The following EFCAB6 variants were observed in gnomAD, a reference collection of about 807,000 sequenced individuals.
The protein encoded by EFCAB6 is EF-hand calcium binding domain 6, also known as EF-hand calcium-binding domain-containing protein 6.
In EFCAB6, 156 loss-of-function variants were observed where a neutral mutation model predicts 169.8. That is an observed-to-expected ratio of 0.92 (90% CI 0.81 to 1.05). The LOEUF (loss-of-function observed/expected upper bound fraction) is 1.05, where lower values mean the gene tolerates loss of function less well. EFCAB6 is among the 50% of genes least tolerant of loss of function. The probability of loss-of-function intolerance (pLI) is 0.00; values close to 1 mark genes in which losing one functional copy is unlikely to be tolerated. For synonymous variants in EFCAB6, 698 were observed against 676.4 expected, an observed-to-expected ratio of 1.03 and a Z score of -0.50; for missense variants, 1,800 against 1,829.1, an observed-to-expected ratio of 0.98 and a Z score of 0.29.
chr22:43,581,917 T>C (rs1468535628), intron 24 of EFCAB6, among the ~76,000 whole-genome samples: 1 of 152,222 alleles, frequency 6.6e-6, no homozygotes, highest in Non-Finnish European at 1.5e-5. Context: ...CATATGCATA[T>C]GCTAATCTCA....
chr22:43,686,181 T>C (rs568529443), intron 11 of EFCAB6, among the ~76,000 whole-genome samples: 2 of 152,352 alleles, frequency 1.3e-5, no homozygotes, highest in South Asian at 4.1e-4. Flanking sequence ...GGTTTCTCCA[T>C]GTTGGTCAGG....
chr22:43,757,036 G>A (rs2060980440), intron 5 of EFCAB6, among the ~76,000 whole-genome samples: 1 of 152,172 alleles, frequency 6.6e-6, no homozygotes, highest in South Asian at 2.1e-4. Flanking sequence ...ATGATAAGGA[G>A]TCGACTTCAA....
chr22:43,566,526 C>A (rs1387204068), intron 26 of EFCAB6, among the ~76,000 whole-genome samples: 1 of 152,188 alleles, frequency 6.6e-6, no homozygotes, highest in Admixed American at 6.5e-5. Context: ...TCACATCACC[C>A]TGAGAGGCAG....
intron 3 of EFCAB6, among the ~76,000 whole-genome samples, chr22:43,773,470 T>A (rs1391150822): frequency 6.6e-6 from 1 of 152,242 alleles, no homozygotes; most frequent in Non-Finnish European, 1.5e-5. Context: ...TGCCAATTTT[T>A]GAGGGAAAAA....
At chr22:43,671,564 G>C (rs2057494095) in intron 15 of EFCAB6, among the ~76,000 whole-genome samples, 1 of 152,148 alleles carries the variant, frequency 6.6e-6, no homozygotes, top group Non-Finnish European at 1.5e-5. Context: ...TGAAATCTTT[G>C]CTTCTTGAAC....
Position 43,711,478 on chromosome 22 carries a change from T to C in EFCAB6, c.1028A>G (p.Lys343Arg), listed in dbSNP as rs758590406. Reference sequence around the variant, plus strand: ...AAGGAAACAATGAGACTCTTACCTTTTCATTAACTGGATAAAAATTCTTCT... The same window carrying C: ...AAGGAAACAATGAGACTCTTACCTTCTCATTAACTGGATAAAAATTCTTCT... ...IPRRIFIQLM[K>R]RFGLKATTKI... Residue 343 changes from lysine (K) to arginine (R), a missense_variant, in exon 10 of 32, where the codon AAA becomes AGA. Physicochemically the swap from Lys to Arg is conservative, Grantham distance 26. Coordinates refer to ENST00000262726, the MANE Select transcript of EFCAB6 (RefSeq NM_022785.4). The C allele has an allele frequency of 1.3e-6, 2 of 1,580,288 alleles. No homozygotes were observed. Among genetic ancestry groups the C allele is most frequent in the South Asian group, 2.4e-5 (2 of 84,658 alleles).
chr22:43,573,849 TATATAATGGAC>T (rs1310639697), intron 26 of EFCAB6, among the ~76,000 whole-genome samples: 7 of 151,992 alleles, frequency 4.6e-5, no homozygotes, highest in Non-Finnish European at 8.8e-5. Context: ...TTCCAAACAG[TATATAATGGAC>T]ATAAACAACT....
intron 31 of EFCAB6, chr22:43,530,450 A>C: frequency 1.1e-6 from 1 of 924,474 alleles, no homozygotes; most frequent in Non-Finnish European, 1.3e-6. Flanking sequence ...AACATAGGTC[A>C]GAGATGCTCT....
chr22:43,710,782 C>T (rs1297803920), intron 10 of EFCAB6, among the ~76,000 whole-genome samples: 3 of 142,436 alleles, frequency 2.1e-5, no homozygotes, highest in African/African-American at 8.7e-5. Flanking sequence ...GTATTTTTGT[C>T]CCCCCCACTC....
chr22:43,784,541 G>GTGTGTGTGTGTGTATATA (rs1556409935), intron 2 of EFCAB6, among the ~76,000 whole-genome samples: 3 of 79,722 alleles, frequency 3.8e-5, no homozygotes, highest in African/African-American at 9.1e-5. Flanking sequence ...GTGTGTGTGT[G>GTGTGTGTGTGTGTATATA]TGTATATGTA....
At chr22:43,549,849 G>A (rs1414608666) in intron 27 of EFCAB6, among the ~76,000 whole-genome samples, 1 of 152,182 alleles carries the variant, frequency 6.6e-6, no homozygotes, top group Non-Finnish European at 1.5e-5. Flanking sequence ...TTCAAGTTTA[G>A]TTTAACATCA....
chr22:43,789,929 T>C (rs1476373806), intron 2 of EFCAB6, among the ~76,000 whole-genome samples: 3 of 151,724 alleles, frequency 2.0e-5, no homozygotes, highest in African/African-American at 7.3e-5. Context: ...AGTGTAAAAT[T>C]ATTAAATATT....
chr22:43,570,028 T>C (rs2049743130), intron 26 of EFCAB6: 1 of 152,240 alleles, frequency 6.6e-6, no homozygotes, highest in South Asian at 2.1e-4. Flanking sequence ...GTAACACTGT[T>C]GGCAGCGAAT....
intron 30 of EFCAB6, chr22:43,533,266 A>T (rs928119404): frequency 1.3e-5 from 2 of 152,246 alleles, no homozygotes; most frequent in African/African-American, 4.8e-5. Context: ...CTCAGAGGAA[A>T]GGGCCTGGCC....
chr22:43,692,003 C>G (rs1363008006), intron 10 of EFCAB6, among the ~76,000 whole-genome samples: 1 of 152,112 alleles, frequency 6.6e-6, no homozygotes, highest in Non-Finnish European at 1.5e-5. Flanking sequence ...AATAAGTAGC[C>G]TTTATGGCCT....
intron 11 of EFCAB6, among the ~76,000 whole-genome samples, chr22:43,686,995 T>TA (rs1361086735): frequency 6.6e-6 from 1 of 152,178 alleles, no homozygotes; most frequent in Non-Finnish European, 1.5e-5. Context: ...GAAATAATGA[T>TA]AGACAAATAA....
At chr22:43,730,427 G>A (rs973845449) in intron 8 of EFCAB6, among the ~76,000 whole-genome samples, 5 of 150,880 alleles carry the variant, frequency 3.3e-5, no homozygotes, top group African/African-American at 1.2e-4. Context: ...CAAAGTCTAC[G>A]ACATATTGAA....
chr22:43,575,358 G>GTTTTTTTTTTTTT (rs34543550), intron 26 of EFCAB6, among the ~76,000 whole-genome samples: 2 of 104,838 alleles, frequency 1.9e-5, no homozygotes, highest in African/African-American at 3.9e-5. Context: ...ATCCGGCTAT[G>GTTTTTTTTTTTTT]TTTTTTTTTT....
chr22:43,540,855 T>G (rs1817461198), intron 27 of EFCAB6, among the ~76,000 whole-genome samples: 1 of 152,070 alleles, frequency 6.6e-6, no homozygotes, highest in Non-Finnish European at 1.5e-5. Context: ...GGGCAAAAAA[T>G]GTCTTCTCAC....
Sources: gnomAD v4.1 joint callset for allele counts (sites outside exome capture counted in the v4.1 genomes callset) on GRCh38, gnomAD v4.1.1 for gene constraint, MANE v1.5 for transcripts, NCBI Gene and HGNC (gene_info 2026-07-23, HGNC 2026-07-21) for gene names.